PDE1C: variants seen among roughly 807,000 people sequenced by gnomAD.
The protein encoded by PDE1C is phosphodiesterase 1C.
PDE1C carries 62 observed loss-of-function variants against 93.1 expected under a neutral mutation model. The observed-to-expected ratio is 0.67, with a 90% CI of 0.54 to 0.82. PDE1C has a LOEUF of 0.82. Among genes scored for constraint, PDE1C ranks in the 40% least tolerant of loss-of-function variants. The pLI is 0.00. For missense variants in PDE1C, 742 were observed against 884.6 expected (o/e 0.84, Z 2.04); for synonymous variants, 325 against 310.1 (o/e 1.05, Z -0.50).
At chr7:31,999,707 A>C (rs1785217628) in intron 2 of PDE1C, among the ~76,000 whole-genome samples, 1 of 152,216 alleles carries the variant, frequency 6.6e-6, no homozygotes, top group Non-Finnish European at 1.5e-5. Context: ...ACATTAACAC[A>C]CCACATGTTT....
At chr7:32,205,624 G>A (rs2128834675) in intron 2 of PDE1C, among the ~76,000 whole-genome samples, 1 of 152,280 alleles carries the variant, frequency 6.6e-6, no homozygotes, top group South Asian at 2.1e-4. Context: ...ACCCGTTTGG[G>A]TCTGCTTGTG....
chr7:31,638,479 A>G, the PDE1C span, among the ~76,000 whole-genome samples: 1 of 152,182 alleles, frequency 6.6e-6, no homozygotes, highest in African/African-American at 2.4e-5. Flanking sequence ...AGACTTTTCT[A>G]GGTTTTTGTT....
chr7:31,869,784 A>T (rs1795711606), intron 6 of PDE1C, among the ~76,000 whole-genome samples: 1 of 152,006 alleles, frequency 6.6e-6, no homozygotes, highest in Non-Finnish European at 1.5e-5. Context: ...ACACTTACAG[A>T]ACATTTTATC....
the PDE1C span, among the ~76,000 whole-genome samples, chr7:31,639,424 C>T: frequency 1.3e-5 from 1 of 79,494 alleles, no homozygotes; most frequent in African/African-American, 6.5e-5. Flanking sequence ...CATCTCTAGA[C>T]ATTCAATTTG....
At chr7:31,825,111 C>T in intron 12 of PDE1C, 124 bp from the exon 13 acceptor site, 1 of 1,213,202 alleles carries the variant, frequency 8.2e-7, no homozygotes, top group Non-Finnish European at 1.2e-6. Flanking sequence ...ATCTTATGTA[C>T]TGTATGTATT....
chr7:31,695,682 G>A, the PDE1C span: 1 of 1,509,830 alleles, frequency 6.6e-7, no homozygotes, highest in Non-Finnish European at 8.9e-7. Flanking sequence ...AGGTTGCATT[G>A]TTCGTACACA....
At chr7:31,835,530 G>A (rs1269726931) in intron 11 of PDE1C, among the ~76,000 whole-genome samples, 1 of 113,526 alleles carries the variant, frequency 8.8e-6, no homozygotes, top group Admixed American at 9.5e-5. Flanking sequence ...GCTGCGGTGT[G>A]TGTGTGTGTG....
At chr7:31,910,942 A>G (rs1465268607) in intron 2 of PDE1C, among the ~76,000 whole-genome samples, 1 of 152,200 alleles carries the variant, frequency 6.6e-6, no homozygotes, top group Non-Finnish European at 1.5e-5. Context: ...GATAGGCTGG[A>G]TTTGAATTTT....
intron 16 of PDE1C, among the ~76,000 whole-genome samples, chr7:31,776,831 A>G (rs1490507980): frequency 6.6e-6 from 1 of 152,040 alleles, no homozygotes; most frequent in Non-Finnish European, 1.5e-5. Context: ...TCCATGAGTC[A>G]GTGTTAGGTT....
At chr7:31,771,239 C>A (rs868232488) in intron 17 of PDE1C, among the ~76,000 whole-genome samples, 1 of 152,216 alleles carries the variant, frequency 6.6e-6, no homozygotes, top group Non-Finnish European at 1.5e-5. Flanking sequence ...CCTCCTGTAC[C>A]TGTGCCCTTT....
chr7:31,814,710 G>A (rs567850316), intron 15 of PDE1C, among the ~76,000 whole-genome samples: 2 of 148,184 alleles, frequency 1.3e-5, no homozygotes, highest in South Asian at 4.5e-4. Flanking sequence ...CATCTAGTGT[G>A]CAGTCAATAC....
At chr7:31,945,431 A>G in intron 2 of PDE1C, among the ~76,000 whole-genome samples, 1 of 152,134 alleles carries the variant, frequency 6.6e-6, no homozygotes, top group Non-Finnish European at 1.5e-5. Flanking sequence ...GGATTCCCTC[A>G]GTTTTTCTTT....
chr7:32,344,150 T>C (rs1653886), intron 1 of PDE1C, among the ~76,000 whole-genome samples: 123,184 of 152,194 alleles, frequency 0.81, 50,242 homozygotes, highest in Admixed American at 0.85. Flanking sequence ...CATAGCTCAC[T>C]GCAGCCTCCA....
chr7:31,901,925 A>AT (rs1800029698), intron 2 of PDE1C, among the ~76,000 whole-genome samples: 1 of 151,272 alleles, frequency 6.6e-6, no homozygotes, highest in African/African-American at 2.4e-5. Context: ...AAAATAATTA[A>AT]TGCATTTTTA....
chr7:31,925,133 A>G (rs1290943947), intron 2 of PDE1C, among the ~76,000 whole-genome samples: 3 of 151,786 alleles, frequency 2.0e-5, no homozygotes, highest in Non-Finnish European at 4.4e-5. Flanking sequence ...AGAGAGACAG[A>G]TTCATCACTA....
At chr7:31,626,277 G>A in the PDE1C span, among the ~76,000 whole-genome samples, 1 of 152,088 alleles carries the variant, frequency 6.6e-6, no homozygotes, top group Non-Finnish European at 1.5e-5. Flanking sequence ...TATTAAAATT[G>A]CTTTTTAAAA....
At chr7:31,754,316 G>T (rs1794311815) in intron 17 of PDE1C, among the ~76,000 whole-genome samples, 1 of 152,234 alleles carries the variant, frequency 6.6e-6, no homozygotes, top group African/African-American at 2.4e-5. Flanking sequence ...CACTTTGGAA[G>T]ACAGTTTGAC....
the PDE1C span, among the ~76,000 whole-genome samples, chr7:31,720,398 C>T: frequency 6.6e-6 from 1 of 152,194 alleles, no homozygotes; most frequent in Admixed American, 6.5e-5. Flanking sequence ...TTCCCTTCCA[C>T]TGCCTACATC....
At chr7:32,425,847 G>A (rs539233065) in intron 1 of PDE1C, among the ~76,000 whole-genome samples, 1 of 152,204 alleles carries the variant, frequency 6.6e-6, no homozygotes, top group African/African-American at 2.4e-5. Flanking sequence ...AGGCTGAGGT[G>A]GGAGGATTGC....
Sources: allele counts gnomAD v4.1 joint callset (sites outside exome capture counted in the v4.1 genomes callset), GRCh38; gene constraint gnomAD v4.1.1; transcripts MANE v1.5; gene names NCBI Gene and HGNC (gene_info 2026-07-23, HGNC 2026-07-21).